NWD2: variants seen among roughly 807,000 people sequenced by gnomAD.
The protein encoded by NWD2 is NACHT and WD repeat domain-containing protein 2.
NWD2 carries 37 observed loss-of-function variants against 132.7 expected under a neutral mutation model. The observed-to-expected ratio is 0.28, with a 90% CI of 0.21 to 0.37. The LOEUF (loss-of-function observed/expected upper bound fraction) is 0.37. Ranked by LOEUF, NWD2 falls within the 10% of genes least tolerant of loss-of-function variation. The probability of loss-of-function intolerance (pLI) is 1.00; values close to 1 mark genes in which losing one functional copy is unlikely to be tolerated. For missense variants in NWD2, 1,592 were observed against 2,122.4 expected (o/e 0.75, Z 4.91); for synonymous variants, 705 against 803.0 (o/e 0.88, Z 2.06).
At chr4:37,331,495 C>T in intron 2 of NWD2, among the ~76,000 whole-genome samples, 1 of 135,336 alleles carries the variant, frequency 7.4e-6, no homozygotes, top group East Asian at 2.4e-4. Flanking sequence ...TATACAATAC[C>T]ACCAGAATCA....
chr4:37,421,719 C>T (rs939246190), intron 3 of NWD2, among the ~76,000 whole-genome samples: 2 of 152,208 alleles, frequency 1.3e-5, no homozygotes, highest in African/African-American at 2.4e-5. Flanking sequence ...CCTCATTTTA[C>T]GATCACTGCC....
At chr4:37,351,755 T>G (rs1719770200) in intron 2 of NWD2, among the ~76,000 whole-genome samples, 1 of 152,204 alleles carries the variant, frequency 6.6e-6, no homozygotes, top group Non-Finnish European at 1.5e-5. Context: ...TCTAGTTCTT[T>G]TACTTGTGAT....
chr4:37,249,952 G>A (rs1175805257), intron 1 of NWD2, among the ~76,000 whole-genome samples: 1 of 152,156 alleles, frequency 6.6e-6, no homozygotes, highest in Non-Finnish European at 1.5e-5. Flanking sequence ...GGGTTCATTT[G>A]CTACAACTAG....
At chr4:37,441,852 A>G (rs1424383757) in intron 6 of NWD2, among the ~76,000 whole-genome samples, 1 of 152,120 alleles carries the variant, frequency 6.6e-6, no homozygotes, top group East Asian at 1.9e-4. Flanking sequence ...TTTTTATCTC[A>G]TGTGTCACCC....
At chr4:37,435,531 C>T (rs1308831486) in intron 5 of NWD2, among the ~76,000 whole-genome samples, 3 of 152,122 alleles carry the variant, frequency 2.0e-5, no homozygotes, top group Admixed American at 1.3e-4. Context: ...TCAGGCTCTT[C>T]ACCTTTATCA....
chr4:37,298,243 A>G (rs572614980), intron 1 of NWD2, among the ~76,000 whole-genome samples: 2 of 152,276 alleles, frequency 1.3e-5, no homozygotes, highest in South Asian at 4.1e-4. Flanking sequence ...GGCAGCAGCA[A>G]TCACTCGTGC....
At chr4:37,272,144 ATAACC>A (rs999894128) in intron 1 of NWD2, among the ~76,000 whole-genome samples, 71 of 151,944 alleles carry the variant, frequency 4.7e-4, no homozygotes, top group African/African-American at 1.6e-3. Flanking sequence ...TCTTCTTCAG[ATAACC>A]TAACTTGGTC....
intron 1 of NWD2, among the ~76,000 whole-genome samples, chr4:37,288,441 C>CT (rs1245318415): frequency 6.6e-6 from 1 of 152,210 alleles, no homozygotes; most frequent in African/African-American, 2.4e-5. Flanking sequence ...GCCAGTATCA[C>CT]TTAACCCCAA....
intron 1 of NWD2, among the ~76,000 whole-genome samples, chr4:37,309,078 G>T (rs1441815066): frequency 6.6e-6 from 1 of 152,194 alleles, no homozygotes; most frequent in Non-Finnish European, 1.5e-5. Flanking sequence ...GTCAGCATTG[G>T]CAGGCCCTTG....
chr4:37,303,099 A>T (rs1718639417), intron 1 of NWD2, among the ~76,000 whole-genome samples: 1 of 152,076 alleles, frequency 6.6e-6, no homozygotes, highest in Non-Finnish European at 1.5e-5. Context: ...CTTACATTTT[A>T]ATCTATCTTG....
intron 1 of NWD2, among the ~76,000 whole-genome samples, chr4:37,267,164 A>G (rs780378583): frequency 6.6e-5 from 10 of 152,094 alleles, no homozygotes; most frequent in Non-Finnish European, 1.3e-4. Context: ...AACCTCTTCT[A>G]TGACTGTACG....
intron 1 of NWD2, among the ~76,000 whole-genome samples, chr4:37,316,489 G>A (rs140151888): frequency 2.6e-5 from 4 of 151,962 alleles, no homozygotes; most frequent in Non-Finnish European, 5.9e-5. Context: ...TTGGGTTCTT[G>A]AACTTCTTTG....
chr4:37,248,436 G>A (rs1351365799), intron 1 of NWD2, among the ~76,000 whole-genome samples: 1 of 152,236 alleles, frequency 6.6e-6, no homozygotes, highest in Non-Finnish European at 1.5e-5. Flanking sequence ...AAGGACCCAT[G>A]TGGGGGAGGT....
In NWD2 at chr4:37,439,519, A is replaced by T; in HGVS notation, c.1296+129A>T. ...TATAGTTGGTCTTTTAGGAGTGAAT[A>T]CTGCAGTGCTTCTTTTTTGCTGGTA... On this transcript the variant is annotated intron_variant, in intron 6 of 6. Transcript: ENST00000309447. The surrounding 1 kb of genome is among the most constrained non-coding windows in gnomAD (Gnocchi z 4.5). The T allele has an allele frequency of 1.6e-6, 1 of 609,528 alleles. No homozygotes were observed. The highest frequency in any genetic ancestry group is 2.7e-6 in the Non-Finnish European group (1 of 373,288). 37.8% of individuals were successfully genotyped at this position (609,528 alleles called of 1,614,324 possible). A position where few individuals can be genotyped will look rare whatever the true frequency, so the allele number is the denominator to read the frequency against.
chr4:37,442,361 C>G (rs141549810), intron 6 of NWD2, among the ~76,000 whole-genome samples: 1 of 152,286 alleles, frequency 6.6e-6, no homozygotes, highest in East Asian at 1.9e-4. Context: ...AACAGAAAGA[C>G]TAAACTTAGT....
At chr4:37,383,964 AT>A (rs1167054429) in intron 3 of NWD2, among the ~76,000 whole-genome samples, 6 of 151,602 alleles carry the variant, frequency 4.0e-5, no homozygotes, top group East Asian at 3.9e-4. Flanking sequence ...TTTTTATTTA[AT>A]TTTTTTATAG....
At chr4:37,329,040 A>C (rs1045802302) in intron 2 of NWD2, among the ~76,000 whole-genome samples, 6 of 90,778 alleles carry the variant, frequency 6.6e-5, no homozygotes, top group Non-Finnish European at 1.1e-4. Flanking sequence ...GGTTACATGA[A>C]AAAAAAAAAT....
chr4:37,425,084 TAG>T (rs780491750), intron 3 of NWD2, among the ~76,000 whole-genome samples: 15 of 152,328 alleles, frequency 9.8e-5, no homozygotes, highest in Non-Finnish European at 1.6e-4. Flanking sequence ...TTTTAAAAAG[TAG>T]AGAGTCTTTT....
chr4:37,370,180 T>C lies in NWD2; in HGVS notation c.357+13698T>C, dbSNP rs141198655. 1.3e-4 allele frequency among the ~76,000 whole-genome samples: 20 copies of C among 152,350 alleles called. No homozygotes were observed. In the East Asian group the frequency reaches 3.5e-3, roughly 26 times the overall value. On this transcript the variant is annotated intron_variant, in intron 3 of 6. Coordinates refer to ENST00000309447, the MANE Select transcript of NWD2 (RefSeq NM_001144990.2). ...TCTTGTTTACGCATGATATCTCTGA[T>C]TATGGAAGAAATAATAGTTTTAACT...
Sources: allele counts gnomAD v4.1 joint callset (sites outside exome capture counted in the v4.1 genomes callset), GRCh38; gene constraint gnomAD v4.1.1; non-coding constraint Gnocchi (gnomAD v3.1); transcripts MANE v1.5; gene names NCBI Gene and HGNC (gene_info 2026-07-23, HGNC 2026-07-21).